BCAS3: variants seen among roughly 807,000 people sequenced by gnomAD.
The protein encoded by BCAS3 is BCAS3 microtubule associated cell migration factor.
A neutral mutation model predicts 116.1 loss-of-function variants in BCAS3; 53 were observed. The observed-to-expected ratio is 0.46, with a 90% CI of 0.37 to 0.57. The LOEUF is 0.57. Among genes scored for constraint, BCAS3 ranks in the 20% least tolerant of loss-of-function variants. BCAS3 has a pLI of 0.00. For synonymous variants in BCAS3, 391 were observed against 408.2 expected (o/e 0.96, Z 0.51); for missense variants, 917 against 1,165.4 (o/e 0.79, Z 3.10).
intron 7 of BCAS3, among the ~76,000 whole-genome samples, chr17:60,813,967 C>A (rs771744788): frequency 7.9e-5 from 12 of 152,054 alleles, no homozygotes; most frequent in Non-Finnish European, 1.8e-4. Flanking sequence ...AATATAATGT[C>A]TCAGCTTTGT....
At chr17:60,870,664 A>G (rs555576310) in intron 8 of BCAS3, among the ~76,000 whole-genome samples, 3 of 152,330 alleles carry the variant, frequency 2.0e-5, no homozygotes, top group African/African-American at 2.4e-5. Context: ...GAAAATATAG[A>G]TAAGTGTACC....
intron 22 of BCAS3, among the ~76,000 whole-genome samples, chr17:61,335,719 G>A (rs1187676963): frequency 6.6e-6 from 1 of 152,154 alleles, no homozygotes; most frequent in Non-Finnish European, 1.5e-5. Context: ...CCCATCTCTA[G>A]AAAAAATCAG....
intron 7 of BCAS3, among the ~76,000 whole-genome samples, chr17:60,845,952 T>G (rs1313754444): frequency 1.3e-5 from 2 of 151,078 alleles, no homozygotes; most frequent in African/African-American, 4.9e-5. Context: ...TTTTTGAGAC[T>G]TAGTCTCACT....
rs1302922999 is a variant in BCAS3 at position 61,130,268 on chromosome 17, T to A, written c.2425+45704T>A. On this transcript the variant is annotated intron_variant, in intron 22 of 23. Coordinates refer to ENST00000407086, the MANE Select transcript of BCAS3 (RefSeq NM_017679.5). The surrounding 1 kb of genome is among the most constrained non-coding windows in gnomAD (Gnocchi z 5.0). ...AATAATAATTCCACAAGTATTTCTC[T>A]CAATTCTAAATCCCAGAGCACCATA... Among the ~76,000 whole-genome samples, 1 of 152,244 alleles carries A rather than the reference T, an allele frequency of 6.6e-6. No individual in the cohort carries two copies. The highest frequency in any genetic ancestry group is 1.5e-5 in the Non-Finnish European group (1 of 68,046).
chr17:61,225,562 A>C (rs1036384263), intron 22 of BCAS3, among the ~76,000 whole-genome samples: 1 of 152,190 alleles, frequency 6.6e-6, no homozygotes, highest in Non-Finnish European at 1.5e-5. Flanking sequence ...GACAAAGAAG[A>C]AGGAAAAGGA....
chr17:60,908,644 G>C (rs1024039205), intron 11 of BCAS3, among the ~76,000 whole-genome samples: 2 of 152,140 alleles, frequency 1.3e-5, no homozygotes, highest in Non-Finnish European at 2.9e-5. Context: ...GTGAATTATT[G>C]AAAGAAATGT....
At chr17:61,146,369 G>T (rs2077213737) in intron 22 of BCAS3, among the ~76,000 whole-genome samples, 1 of 151,068 alleles carries the variant, frequency 6.6e-6, no homozygotes, top group East Asian at 1.9e-4. Flanking sequence ...CATCCCCCTC[G>T]GCCTCCTAAA....
chr17:61,015,275 A>T (rs190090005), intron 15 of BCAS3, among the ~76,000 whole-genome samples: 34 of 152,304 alleles, frequency 2.2e-4, no homozygotes, highest in African/African-American at 8.2e-4. Flanking sequence ...ACTTGGTGTT[A>T]CCAGAATACT....
rs928303731 is a variant in BCAS3, at chr17:61,365,628, C to G, written c.2426-2699C>G. Among the ~76,000 whole-genome samples the G allele has an allele frequency of 5.3e-5, 8 of 152,146 alleles. No homozygotes were observed. The highest frequency in any genetic ancestry group is 1.5e-5 in the Non-Finnish European group (1 of 68,046). On this transcript the variant is annotated intron_variant, in intron 22 of 23. Transcript: ENST00000407086. The surrounding 1 kb of genome is among the most constrained non-coding windows in gnomAD (Gnocchi z 4.6). ...GGATTACAGGCGTGAGCCACCGTGC[C>G]TGGCCCAATTTCTTTTGTTTGTTTT...
chr17:61,234,959 C>T (rs1347793690), intron 22 of BCAS3, among the ~76,000 whole-genome samples: 1 of 152,116 alleles, frequency 6.6e-6, no homozygotes, highest in Non-Finnish European at 1.5e-5. Flanking sequence ...ATGATCTCGG[C>T]TCACTGCAAC....
chr17:61,092,932 G>T (rs2073712101), intron 22 of BCAS3, among the ~76,000 whole-genome samples: 1 of 117,366 alleles, frequency 8.5e-6, no homozygotes, highest in Non-Finnish European at 1.6e-5. Context: ...TTGAGACAGA[G>T]TCTCAGTCTG....
chr17:60,984,551 C>T (rs2145411473), intron 14 of BCAS3, among the ~76,000 whole-genome samples: 1 of 151,838 alleles, frequency 6.6e-6, no homozygotes, highest in Admixed American at 6.6e-5. Flanking sequence ...TATTTTGATA[C>T]AGGCATATAG....
chr17:61,297,692 A>G (rs890515745), intron 22 of BCAS3, among the ~76,000 whole-genome samples: 1 of 152,162 alleles, frequency 6.6e-6, no homozygotes, highest in Non-Finnish European at 1.5e-5. Flanking sequence ...GGGCAGAGTC[A>G]AAATGAAGCA....
At chr17:61,117,478 C>T (rs2075541288) in intron 22 of BCAS3, among the ~76,000 whole-genome samples, 1 of 151,964 alleles carries the variant, frequency 6.6e-6, no homozygotes, top group African/African-American at 2.4e-5. Context: ...ACCTGTAGAC[C>T]CAACTACTAG....
chr17:61,089,561 G>T (rs1037545201), intron 22 of BCAS3, among the ~76,000 whole-genome samples: 1 of 104,630 alleles, frequency 9.6e-6, no homozygotes, highest in Non-Finnish European at 1.7e-5. Context: ...ACGGAGTCTC[G>T]CTGTGTCACC....
intron 13 of BCAS3, among the ~76,000 whole-genome samples, chr17:60,937,985 A>G (rs981176564): frequency 3.3e-5 from 5 of 151,890 alleles, no homozygotes; most frequent in African/African-American, 1.2e-4. Context: ...ACACTCATTT[A>G]TCCTTAGACT....
At chr17:61,107,191 A>G (rs945706996) in intron 22 of BCAS3, among the ~76,000 whole-genome samples, 1 of 143,654 alleles carries the variant, frequency 7.0e-6, no homozygotes. Context: ...GGTTCAAGTG[A>G]TTCTTCTGCC....
At chr17:60,744,412 A>C (rs376019394) in intron 5 of BCAS3, among the ~76,000 whole-genome samples, 25 of 152,202 alleles carry the variant, frequency 1.6e-4, no homozygotes. Flanking sequence ...ATTCAGAAAG[A>C]TAGCTAAAGC....
Position 60,990,224 on chromosome 17 carries a change from C to A in BCAS3, c.1475C>A (p.Ser492Ter). The change falls in exon 15 of 24, where the codon TCA (serine) becomes TAA (stop). Residue 492 changes from serine to a stop codon, truncating the protein, a stop_gained. Coordinates refer to ENST00000407086, the MANE Select transcript of BCAS3 (RefSeq NM_017679.5). LOFTEE classifies it high-confidence loss of function. The surrounding 1 kb of genome is among the most constrained non-coding windows in gnomAD (Gnocchi z 5.1). Reference protein sequence around the residue: ...VPGLSSSPSGSPLHGKLNSQD... With the variant: ...VPGLSSSPSG ...GGTCTATCAAGCAGCCCTTCTGGGT[C>A]ACCCTTGCATGGTAATTTTCTCTGT... The A allele has an allele frequency of 6.2e-7, 1 of 1,613,852 alleles. No homozygotes were observed. Among genetic ancestry groups the A allele is most frequent in the South Asian group, 1.1e-5 (1 of 91,042 alleles).
Sources: gnomAD v4.1 joint callset for allele counts (sites outside exome capture counted in the v4.1 genomes callset) on GRCh38, gnomAD v4.1.1 for gene constraint, Gnocchi (gnomAD v3.1) non-coding constraint, MANE v1.5 for transcripts, NCBI Gene and HGNC (gene_info 2026-07-23, HGNC 2026-07-21) for gene names.